Variants in ESYT2 observed in about 807,000 individuals in gnomAD.
The protein encoded by ESYT2 is extended synaptotagmin 2, also known as extended synaptotagmin-2.
ESYT2 carries 54 observed loss-of-function variants against 107.2 expected under a neutral mutation model. The ratio of observed to expected loss-of-function variants is 0.50; its 90% CI spans 0.40 to 0.63. ESYT2 has a LOEUF of 0.63. Among genes scored for constraint, ESYT2 ranks in the 30% least tolerant of loss-of-function variants. The pLI is 0.00. For synonymous variants in ESYT2, 491 were observed against 434.1 expected (o/e 1.13, Z -1.63); for missense variants, 1,020 against 1,094.5 (o/e 0.93, Z 0.96).
intron 8 of ESYT2, among the ~76,000 whole-genome samples, chr7:158,765,928 G>C (rs536718627): frequency 2.6e-5 from 4 of 151,998 alleles, no homozygotes; most frequent in African/African-American, 9.7e-5. Context: ...GGCCAGGTGC[G>C]GTGACTCACG....
intron 10 of ESYT2, 25 bp from the exon 11 acceptor site, chr7:158,761,569 T>A: frequency 4.4e-6 from 7 of 1,595,444 alleles, no homozygotes; most frequent in Non-Finnish European, 6.0e-6. Context: ...ATACGACAAC[T>A]TTAGAACATA....
intron 7 of ESYT2, among the ~76,000 whole-genome samples, chr7:158,769,452 T>C (rs1587415844): frequency 6.6e-6 from 1 of 152,130 alleles, no homozygotes; most frequent in African/African-American, 2.4e-5. Context: ...CTCACCCCAC[T>C]ACACCCTGCA....
At chr7:158,743,433 C>A in intron 17 of ESYT2, 96 bp downstream of exon 17, 1 of 1,493,176 alleles carries the variant, frequency 6.7e-7, no homozygotes, top group Non-Finnish European at 9.0e-7. Context: ...CGACACAGAG[C>A]TTTCTTCACC....
intron 7 of ESYT2, among the ~76,000 whole-genome samples, chr7:158,770,161 G>T (rs959785694): frequency 6.6e-6 from 1 of 152,022 alleles, no homozygotes; most frequent in Non-Finnish European, 1.5e-5. Context: ...AAAGTGCTGG[G>T]ATTACAGGTA....
At chr7:158,748,689 C>A (rs368378481) in intron 15 of ESYT2, among the ~76,000 whole-genome samples, 1 of 151,898 alleles carries the variant, frequency 6.6e-6, no homozygotes, top group South Asian at 2.1e-4. Flanking sequence ...CCTGTAACTT[C>A]GGGCAATTTC....
intron 20 of ESYT2, among the ~76,000 whole-genome samples, chr7:158,736,682 A>C (rs1371480074): frequency 1.3e-5 from 2 of 152,214 alleles, no homozygotes; most frequent in Non-Finnish European, 1.5e-5. Flanking sequence ...GCTTACTGTT[A>C]TTTAAAAATA....
intron 6 of ESYT2, among the ~76,000 whole-genome samples, chr7:158,780,990 G>C (rs1263619277): frequency 6.6e-6 from 1 of 152,116 alleles, no homozygotes. Context: ...GTGAGAAAGA[G>C]GGACAGAGAA....
At chr7:158,781,989 G>T (rs896770861) in intron 6 of ESYT2, among the ~76,000 whole-genome samples, 3 of 151,714 alleles carry the variant, frequency 2.0e-5, no homozygotes. Context: ...TGAGATGTGT[G>T]TAATTACGAG....
At chr7:158,768,062 CT>C (rs1449704643) in intron 7 of ESYT2, among the ~76,000 whole-genome samples, 1 of 152,192 alleles carries the variant, frequency 6.6e-6, no homozygotes, top group Non-Finnish European at 1.5e-5. Flanking sequence ...ACTGCAAATA[CT>C]TTTGCACCAA....
intron 1 of ESYT2, among the ~76,000 whole-genome samples, chr7:158,807,925 G>A (rs780429327): frequency 2.0e-5 from 3 of 152,232 alleles, no homozygotes; most frequent in Non-Finnish European, 4.4e-5. Context: ...GCTGCCCGCT[G>A]AGAGGGATGC....
At chr7:158,742,585 A>T (rs1397463471) in intron 17 of ESYT2, among the ~76,000 whole-genome samples, 4 of 152,112 alleles carry the variant, frequency 2.6e-5, no homozygotes, top group African/African-American at 9.7e-5. Flanking sequence ...CAGCAAGATC[A>T]CCCCAACAAC....
chr7:158,754,520 T>TA (rs1044855489), intron 13 of ESYT2, among the ~76,000 whole-genome samples: 12 of 152,004 alleles, frequency 7.9e-5, no homozygotes, highest in African/African-American at 2.9e-4. Flanking sequence ...CTTTTTTTTT[T>TA]AAATGACAGC....
At chr7:158,735,128 A>C (rs1404888344) in intron 21 of ESYT2, among the ~76,000 whole-genome samples, 1 of 152,156 alleles carries the variant, frequency 6.6e-6, no homozygotes, top group East Asian at 1.9e-4. Flanking sequence ...AACTGAACCT[A>C]CTCTCATTCC....
chr7:158,808,945 C>T (rs1269214006), intron 1 of ESYT2, among the ~76,000 whole-genome samples: 1 of 152,046 alleles, frequency 6.6e-6, no homozygotes, highest in African/African-American at 2.4e-5. Flanking sequence ...CATTACACTC[C>T]AGCCTGGGTG....
rs575283360 is a variant in ESYT2 at position 158,794,953 on chromosome 7, G to T, written c.508-1227C>A. Among the ~76,000 whole-genome samples, 3 of 152,272 alleles carry T rather than the reference G, an allele frequency of 2.0e-5. No individual in the cohort carries two copies. In the South Asian group the frequency reaches 6.2e-4, roughly 32 times the overall value. The stretch of plus-strand genomic sequence containing the variant: ...GCTTTTTCTTTATGGTACTAGCTAA[G>T]CCATGTACAGACTGCACTAAAAAAC... On this transcript the variant is annotated intron_variant, in intron 3 of 22. Transcript: ENST00000275418.
intron 6 of ESYT2, among the ~76,000 whole-genome samples, chr7:158,775,416 G>A (rs1246011557): frequency 2.6e-5 from 4 of 152,140 alleles, no homozygotes; most frequent in Non-Finnish European, 5.9e-5. Context: ...CCACAGAACA[G>A]CTTTCAAAAG....
Position 158,734,172 on chromosome 7 carries a change from G to T in ESYT2, c.*35C>A. On this transcript the variant is annotated 3_prime_UTR_variant, in exon 23 of 23. Transcript: ENST00000275418. Reference sequence around the variant, plus strand: ...GGTGTGTTCCGGGTAGAGGTGGAGAGCTACGCTGAAGAGGACGCCTCCTGC... The same window carrying T: ...GGTGTGTTCCGGGTAGAGGTGGAGATCTACGCTGAAGAGGACGCCTCCTGC... The T allele has an allele frequency of 6.2e-7, 1 of 1,613,328 alleles. No homozygotes were observed. Among genetic ancestry groups the T allele is most frequent in the Non-Finnish European group, 8.5e-7 (1 of 1,179,366 alleles).
intron 14 of ESYT2, among the ~76,000 whole-genome samples, chr7:158,752,348 G>C (rs1280884579): frequency 6.6e-6 from 1 of 152,144 alleles, no homozygotes; most frequent in African/African-American, 2.4e-5. Context: ...TGAAGGTGTT[G>C]ACTCAGAGAT....
At chr7:158,826,840 C>T (rs1392570437) in intron 1 of ESYT2, among the ~76,000 whole-genome samples, 1 of 102,456 alleles carries the variant, frequency 9.8e-6, no homozygotes, top group Non-Finnish European at 2.0e-5. Context: ...AAAAAAATTT[C>T]AGTTCTTCAA....
Sources: allele counts gnomAD v4.1 joint callset (sites outside exome capture counted in the v4.1 genomes callset), GRCh38; gene constraint gnomAD v4.1.1; transcripts MANE v1.5; gene names NCBI Gene and HGNC (gene_info 2026-07-23, HGNC 2026-07-21).